COMMD10: variants seen among roughly 807,000 people sequenced by gnomAD.
COMMD10 encodes the protein COMM domain-containing protein 10.
Under a neutral mutation model 28.9 loss-of-function variants are expected in COMMD10, and 33 were observed. The ratio of observed to expected loss-of-function variants is 1.14; its 90% CI spans 0.87 to 1.53. The LOEUF (loss-of-function observed/expected upper bound fraction) is 1.53, where lower values mean the gene tolerates loss of function less well. COMMD10 is among the 40% of genes most tolerant of loss of function. COMMD10 has a pLI of 0.00. For missense variants in COMMD10, 310 were observed against 233.4 expected, an observed-to-expected ratio of 1.33 and a Z score of -2.14; for synonymous variants, 110 against 81.7, an observed-to-expected ratio of 1.35 and a Z score of -1.87.
At chr5:116,147,155 G>A (rs1426238478) in intron 5 of COMMD10, among the ~76,000 whole-genome samples, 1 of 151,414 alleles carries the variant, frequency 6.6e-6, no homozygotes, top group Non-Finnish European at 1.5e-5. Context: ...TCTGGATGAT[G>A]TATTTGAGAA....
chr5:116,229,829 G>T (rs1436578485), intron 5 of COMMD10, among the ~76,000 whole-genome samples: 1 of 151,630 alleles, frequency 6.6e-6, no homozygotes, highest in Non-Finnish European at 1.5e-5. Context: ...GTTAATTCAG[G>T]TCTTTGGTTA....
At chr5:116,112,835 G>A (rs1386613772) in intron 4 of COMMD10, among the ~76,000 whole-genome samples, 1 of 151,752 alleles carries the variant, frequency 6.6e-6, no homozygotes, top group Non-Finnish European at 1.5e-5. Context: ...TGGGTTTTTT[G>A]TCTGTCTAAA....
intron 5 of COMMD10, among the ~76,000 whole-genome samples, chr5:116,277,079 T>C (rs1750936616): frequency 6.6e-6 from 1 of 151,832 alleles, no homozygotes; most frequent in Admixed American, 6.6e-5. Context: ...AGTTAAATTC[T>C]CCAGTGTTGT....
intron 5 of COMMD10, among the ~76,000 whole-genome samples, chr5:116,222,550 GA>G (rs1177580254): frequency 6.6e-6 from 1 of 152,144 alleles, no homozygotes; most frequent in African/African-American, 2.4e-5. Flanking sequence ...TATGTTTTAT[GA>G]GGGAATTTAA....
chr5:116,170,824 TA>T (rs1321761129), intron 5 of COMMD10, among the ~76,000 whole-genome samples: 1 of 151,984 alleles, frequency 6.6e-6, no homozygotes. Flanking sequence ...ACACCTTATA[TA>T]AAAATTAACT....
intron 4 of COMMD10, among the ~76,000 whole-genome samples, chr5:116,097,949 C>T (rs1477595626): frequency 2.0e-5 from 3 of 152,270 alleles, no homozygotes; most frequent in Non-Finnish European, 2.9e-5. Flanking sequence ...CACCTCCCAC[C>T]GGGCCCACCT....
chr5:116,196,583 A>T (rs1580540264), intron 5 of COMMD10, among the ~76,000 whole-genome samples: 1 of 151,698 alleles, frequency 6.6e-6, no homozygotes, highest in Admixed American at 6.6e-5. Flanking sequence ...TTATCACATG[A>T]TATTAAAGAG....
chr5:116,165,622 GTGTT>G (rs971594998), intron 5 of COMMD10, among the ~76,000 whole-genome samples: 16 of 152,096 alleles, frequency 1.1e-4, no homozygotes, highest in Admixed American at 7.2e-4. Flanking sequence ...ATCTGTGTGT[GTGTT>G]TGTGCGCACA....
chr5:116,172,407 A>C (rs1053417304), intron 5 of COMMD10, among the ~76,000 whole-genome samples: 2 of 152,146 alleles, frequency 1.3e-5, no homozygotes, highest in South Asian at 4.1e-4. Flanking sequence ...AGGAATATGG[A>C]TGCTGCCTCT....
chr5:116,125,503 C>G (rs1413912774), intron 4 of COMMD10, among the ~76,000 whole-genome samples: 2 of 152,010 alleles, frequency 1.3e-5, no homozygotes, highest in African/African-American at 2.4e-5. Context: ...TGTTTCAACT[C>G]TGGTGAATCT....
At chr5:116,168,979 C>T (rs557451900) in intron 5 of COMMD10, among the ~76,000 whole-genome samples, 48 of 152,000 alleles carry the variant, frequency 3.2e-4, no homozygotes, top group Non-Finnish European at 5.6e-4. Flanking sequence ...TAACTAAGAT[C>T]AGAGTAGAAC....
chr5:116,254,208 C>G (rs914409326), intron 5 of COMMD10, among the ~76,000 whole-genome samples: 1 of 151,970 alleles, frequency 6.6e-6, no homozygotes, highest in African/African-American at 2.4e-5. Context: ...ATCATTCTTG[C>G]TAGCGGTCTA....
intron 5 of COMMD10, among the ~76,000 whole-genome samples, chr5:116,259,583 C>T (rs1009613185): frequency 2.0e-5 from 3 of 151,542 alleles, no homozygotes; most frequent in African/African-American, 7.3e-5. Context: ...CTAGGCTGAA[C>T]AGTCTTGGTG....
chr5:116,262,764 C>G (rs1444010520), intron 5 of COMMD10, among the ~76,000 whole-genome samples: 2 of 151,786 alleles, frequency 1.3e-5, no homozygotes, highest in Non-Finnish European at 2.9e-5. Flanking sequence ...TACTCATTCC[C>G]AAAATGACCT....
At chr5:116,110,097 T>C (rs1001608847) in intron 4 of COMMD10, among the ~76,000 whole-genome samples, 4 of 152,238 alleles carry the variant, frequency 2.6e-5, no homozygotes, top group African/African-American at 9.6e-5. Context: ...CTGCATTTTA[T>C]CAAATGCTAT....
At chr5:116,192,328 T>G (rs1426420544) in intron 5 of COMMD10, among the ~76,000 whole-genome samples, 1 of 150,402 alleles carries the variant, frequency 6.6e-6, no homozygotes, top group Non-Finnish European at 1.5e-5. Context: ...AATCCCTGAT[T>G]TACCTGAAAA....
intron 5 of COMMD10, among the ~76,000 whole-genome samples, chr5:116,169,303 G>A (rs557859165): frequency 6.6e-6 from 1 of 152,142 alleles, no homozygotes; most frequent in East Asian, 1.9e-4. Flanking sequence ...CCAGGAATAA[G>A]ATGAATCTCT....
intron 5 of COMMD10, among the ~76,000 whole-genome samples, chr5:116,172,440 G>A (rs1753366453): frequency 6.6e-6 from 1 of 152,126 alleles, no homozygotes; most frequent in Non-Finnish European, 1.5e-5. Flanking sequence ...GTGCTACCCT[G>A]AATTACAAGT....
intron 5 of COMMD10, among the ~76,000 whole-genome samples, chr5:116,142,692 G>A (rs1241524239): frequency 2.0e-5 from 3 of 151,614 alleles, no homozygotes; most frequent in Non-Finnish European, 4.4e-5. Context: ...AGATATTTTT[G>A]TAATATTATA....
Sources: gnomAD v4.1 joint callset for allele counts (sites outside exome capture counted in the v4.1 genomes callset) on GRCh38, gnomAD v4.1.1 for gene constraint, MANE v1.5 for transcripts, NCBI Gene and HGNC (gene_info 2026-07-23, HGNC 2026-07-21) for gene names.